Variants in NRCAM observed in about 807,000 individuals in gnomAD.
NRCAM encodes neuronal cell adhesion molecule.
Under a neutral mutation model 156.5 loss-of-function variants are expected in NRCAM, and 83 were observed. The observed-to-expected ratio is 0.53, with a 90% CI of 0.44 to 0.64. The LOEUF (loss-of-function observed/expected upper bound fraction) is 0.64. NRCAM is among the 30% of genes least tolerant of loss of function. NRCAM has a pLI of 0.00. For missense variants in NRCAM, 1,417 were observed against 1,597.3 expected, an observed-to-expected ratio of 0.89 and a Z score of 1.92; for synonymous variants, 538 against 563.9, an observed-to-expected ratio of 0.95 and a Z score of 0.65.
chr7:108,385,516 T>G (rs1243459645), intron 2 of NRCAM, among the ~76,000 whole-genome samples: 3 of 152,244 alleles, frequency 2.0e-5, no homozygotes, highest in Non-Finnish European at 2.9e-5. Flanking sequence ...AGGCTGACGC[T>G]GAGCAAAATC....
intron 13 of NRCAM, among the ~76,000 whole-genome samples, chr7:108,200,959 A>G (rs1345189640): frequency 6.6e-6 from 1 of 152,086 alleles, no homozygotes; most frequent in African/African-American, 2.4e-5. Flanking sequence ...CATAAGAATG[A>G]TATATTGAAC....
chr7:108,400,022 T>C (rs569712578), intron 1 of NRCAM, among the ~76,000 whole-genome samples: 1 of 152,086 alleles, frequency 6.6e-6, no homozygotes, highest in East Asian at 1.9e-4. Flanking sequence ...GAACAAACAA[T>C]GAAGAACTAA....
chr7:108,309,852 T>C (rs929436717), intron 3 of NRCAM, among the ~76,000 whole-genome samples: 2 of 152,112 alleles, frequency 1.3e-5, no homozygotes, highest in Non-Finnish European at 2.9e-5. Context: ...TGAGACTCCA[T>C]CTCAAGAAAG....
At chr7:108,304,635 C>A (rs902888570) in intron 3 of NRCAM, among the ~76,000 whole-genome samples, 1 of 152,040 alleles carries the variant, frequency 6.6e-6, no homozygotes, top group African/African-American at 2.4e-5. Flanking sequence ...ACCCAAATGA[C>A]TTCAGAATAA....
Position 108,203,067 on chromosome 7 carries a change from C to T in NRCAM, c.1207+4461G>A, listed in dbSNP as rs117473155. 1.8e-4 allele frequency among the ~76,000 whole-genome samples: 27 copies of T among 152,184 alleles called. No homozygotes were observed. The East Asian group carries it at 5.0e-3, about 28-fold the overall frequency. ...GGAAGAAAAAGGAACTCAAAAACACCCCCCTCAGTGTGGCTTTGAAGTCCT... is the reference window on the plus strand; with the variant it reads ...GGAAGAAAAAGGAACTCAAAAACACTCCCCTCAGTGTGGCTTTGAAGTCCT... On this transcript the variant is annotated intron_variant, in intron 13 of 32. Coordinates refer to ENST00000379028, the MANE Select transcript of NRCAM (RefSeq NM_001037132.4).
At chr7:108,231,268 A>G (rs1589270762) in intron 7 of NRCAM, 115 bp from the exon 8 acceptor site, 3 of 670,214 alleles carry the variant, frequency 4.5e-6, no homozygotes, top group East Asian at 6.3e-5. Flanking sequence ...ATTTATGTAC[A>G]CTAAATTAAT....
chr7:108,341,355 C>G, intron 2 of NRCAM, among the ~76,000 whole-genome samples: 1 of 152,202 alleles, frequency 6.6e-6, no homozygotes, highest in South Asian at 2.1e-4. Flanking sequence ...CTCAGTCTTA[C>G]TCTCCTGTCC....
chr7:108,285,143 T>C (rs2098039246), intron 3 of NRCAM, among the ~76,000 whole-genome samples: 1 of 152,222 alleles, frequency 6.6e-6, no homozygotes, highest in Admixed American at 6.5e-5. Flanking sequence ...GTCCACCCAA[T>C]GGCTTTATTC....
rs114575834 is a variant in NRCAM, at chr7:108,443,711, C to T, written c.-332+12532G>A. ...CAGCAAAGTTGCAGCTGATTATAAT[C>T]GAAAAAGGTAATCAACTAATTAAAC... On this transcript the variant is annotated intron_variant, in intron 1 of 32. Transcript: ENST00000379028. 1.0e-3 allele frequency among the ~76,000 whole-genome samples: 159 copies of T among 152,188 alleles called. 2 individuals carry two copies. The highest frequency in any genetic ancestry group is 3.7e-3 in the African/African-American group (155 of 41,538).
intron 1 of NRCAM, among the ~76,000 whole-genome samples, chr7:108,441,542 C>G (rs566986035): frequency 1.6e-4 from 25 of 152,214 alleles, no homozygotes; most frequent in African/African-American, 5.8e-4. Context: ...CATGCAGAAG[C>G]TAAAAGTCCA....
At chr7:108,161,632 G>A (rs1338816053) in intron 30 of NRCAM, among the ~76,000 whole-genome samples, 1 of 152,164 alleles carries the variant, frequency 6.6e-6, no homozygotes, top group Non-Finnish European at 1.5e-5. Flanking sequence ...AGTTAGGTGT[G>A]TGTGATCTCT....
intron 2 of NRCAM, among the ~76,000 whole-genome samples, chr7:108,374,529 C>T (rs933357224): frequency 2.6e-5 from 4 of 152,052 alleles, no homozygotes; most frequent in African/African-American, 9.7e-5. Context: ...TTATGGAGTA[C>T]TCTCTTAATG....
chr7:108,316,245 T>C (rs919515015), intron 2 of NRCAM, among the ~76,000 whole-genome samples: 6 of 152,212 alleles, frequency 3.9e-5, no homozygotes, highest in Admixed American at 3.9e-4. Context: ...CTTGCTTTCA[T>C]GTACACTCTA....
intron 1 of NRCAM, among the ~76,000 whole-genome samples, chr7:108,412,856 T>C (rs776038601): frequency 1.3e-5 from 2 of 152,216 alleles, no homozygotes; most frequent in African/African-American, 4.8e-5. Context: ...GGTTCATCCA[T>C]GTTGTCGTGA....
At chr7:108,226,425 C>T in intron 8 of NRCAM, 47 bp from the exon 9 acceptor site, 1 of 1,413,986 alleles carries the variant, frequency 7.1e-7, no homozygotes, top group Non-Finnish European at 9.9e-7. Flanking sequence ...CATAAAGTGG[C>T]TACCCTCCAA....
chr7:108,189,059 CCTTCCTTAT>C (rs938387608), intron 20 of NRCAM, among the ~76,000 whole-genome samples: 3 of 72,704 alleles, frequency 4.1e-5, no homozygotes, highest in Non-Finnish European at 7.4e-5. Flanking sequence ...ATGACATTGT[CCTTCCTTAT>C]CTTATTTCCT....
In NRCAM at chr7:108,184,513, G is replaced by A; in HGVS notation, c.2137C>T (p.Pro713Ser). The stretch of plus-strand genomic sequence containing the variant: ...ACGCGGAAGGAGTAGTTCACGTAAG[G>A]AGACAGCTTCAGCTGGGCTGTGGTC... Reference protein sequence around the residue: ...TQTTAQLKLSPYVNYSFRVMA... With the variant: ...TQTTAQLKLSSYVNYSFRVMA... Residue 713 changes from proline (P) to serine (S), a missense_variant, in exon 21 of 33, where the codon CCT becomes TCT. By Grantham distance (74) the Pro-to-Ser change is moderately conservative. This residue lies in a region of NRCAM where 1,238 missense variants were observed against 1,336.4 expected (regional missense o/e 0.93). Transcript: ENST00000379028. 6.2e-7 allele frequency: 1 copy of A among 1,614,168 alleles called. No individual in the cohort carries two copies. Among genetic ancestry groups the A allele is most frequent in the East Asian group, 2.2e-5 (1 of 44,884 alleles).
chr7:108,328,607 A>ACCTCCCAGG, intron 2 of NRCAM: 1 of 152,254 alleles, frequency 6.6e-6, no homozygotes, highest in African/African-American at 2.4e-5. Flanking sequence ...AGCTGCTCAG[A>ACCTCCCAGG]CCTCCCAGGC....
intron 1 of NRCAM, among the ~76,000 whole-genome samples, chr7:108,412,487 C>T (rs1312451335): frequency 6.6e-6 from 1 of 151,982 alleles, no homozygotes; most frequent in Admixed American, 6.6e-5. Flanking sequence ...AATATATATG[C>T]ATTGTGGCAT....
Sources: allele counts gnomAD v4.1 joint callset (sites outside exome capture counted in the v4.1 genomes callset), GRCh38; gene constraint gnomAD v4.1.1; regional missense constraint gnomAD v4.1.1; transcripts MANE v1.5; gene names NCBI Gene and HGNC (gene_info 2026-07-23, HGNC 2026-07-21).